Variants in SLC34A3 observed in about 807,000 individuals in gnomAD.
SLC34A3 encodes solute carrier family 34 member 3.
SLC34A3 carries 60 observed loss-of-function variants against 43.9 expected under a neutral mutation model. The ratio of observed to expected loss-of-function variants is 1.37; its 90% CI spans 1.11 to 1.70. The LOEUF (loss-of-function observed/expected upper bound fraction) is 1.70. Among genes scored for constraint, SLC34A3 ranks in the 40% most tolerant of loss-of-function variants. The pLI is 0.00. For synonymous variants in SLC34A3, 451 were observed against 386.2 expected, an observed-to-expected ratio of 1.17 and a Z score of -1.97; for missense variants, 969 against 823.8, an observed-to-expected ratio of 1.18 and a Z score of -2.16.
Position 137,234,120 on chromosome 9 carries a change from T to C in SLC34A3, c.937T>C (p.Phe313Leu), listed in dbSNP as rs1421579010. 4 of 1,567,166 alleles carry C rather than the reference T, an allele frequency of 2.6e-6. No individual in the cohort carries two copies. The highest frequency in any genetic ancestry group is 3.5e-5 in the Admixed American group (2 of 57,880). Reference protein sequence around the residue: ...PADRLPCRHLFAGTELTDLAV... With the variant: ...PADRLPCRHLLAGTELTDLAV... ...TGCCCTGCCCCCAGGCCGCCACCTG[T>C]TTGCGGGCACGGAGCTCACGGACCT... The change falls in exon 10 of 13, where the codon TTT becomes CTT. Residue 313 changes from phenylalanine (F) to leucine (L), a missense_variant. Transcript: ENST00000673835. The surrounding 1 kb of genome is among the most constrained non-coding windows in gnomAD (Gnocchi z 6.9).
Position 137,236,114 on chromosome 9 carries a change from C to T in SLC34A3, c.1498C>T (p.Pro500Ser), listed in dbSNP as rs1404221017. 6.2e-6 allele frequency: 10 copies of T among 1,611,646 alleles called. No individual in the cohort carries two copies. Among genetic ancestry groups the T allele is most frequent in the Non-Finnish European group, 6.8e-6 (8 of 1,179,712 alleles). Residue 500 changes from proline to serine, a missense_variant, in exon 13 of 13, where the codon CCC (proline) becomes TCC (serine). By Grantham distance (74) the Pro-to-Ser change is moderately conservative (BLOSUM62 -1). Transcript: ENST00000673835. The stretch of plus-strand genomic sequence containing the variant: ...CCTGCTGCTCGGATTCCTGCTGCTG[C>T]CCCTGGCGGCCTTCGGGCTCTCCCT... ...VYLLLGFLLLPLAAFGLSLAG... is the reference protein window; with the variant it reads ...VYLLLGFLLLSLAAFGLSLAG...
Position 137,234,443 on chromosome 9 carries a change from G to C in SLC34A3, c.1121G>C (p.Gly374Ala). 1 of 1,598,630 alleles carries C rather than the reference G, an allele frequency of 6.3e-7. No homozygotes were observed. The highest frequency in any genetic ancestry group is 8.5e-7 in the Non-Finnish European group (1 of 1,179,008). ...TTCCCCTTCCCGCTGGGCTGGCTCG[G>C]CGGCTACCTGGCCGTCCTCGCGGGC... ...ADFPFPLGWLGGYLAVLAGAG... is the reference protein window; with the variant it reads ...ADFPFPLGWLAGYLAVLAGAG... Residue 374 changes from glycine (G) to alanine (A), a missense_variant, in exon 11 of 13, where the codon GGC (glycine) becomes GCC (alanine). Coordinates refer to ENST00000673835, the MANE Select transcript of SLC34A3 (RefSeq NM_001177316.2). The surrounding 1 kb of genome is among the most constrained non-coding windows in gnomAD (Gnocchi z 6.9).
At chr9:137,235,771 G>A (rs1291183777) in intron 12 of SLC34A3, among the ~76,000 whole-genome samples, 181 bp from the exon 13 acceptor site, 3 of 152,204 alleles carry the variant, frequency 2.0e-5, no homozygotes, top group Non-Finnish European at 4.4e-5. Flanking sequence ...TGCGGGAGGC[G>A]TGCTGGGGAA....
chr9:137,233,852 G>C lies in SLC34A3; in HGVS notation c.847-11G>C. The C allele has an allele frequency of 1.3e-6, 2 of 1,488,920 alleles. No individual in the cohort carries two copies. The highest frequency in any genetic ancestry group is 1.8e-6 in the Non-Finnish European group (2 of 1,110,156). 92.2% of individuals were successfully genotyped at this position (1,488,920 alleles called of 1,614,324 possible). A position where few individuals can be genotyped will look rare whatever the true frequency, so the allele number is the denominator to read the frequency against. ...ACTGAGCCTGTCCTGAGTCCTCCCT[G>C]CCCTCCCCAGACCCAGGAGAACAGC... On this transcript the variant is annotated splice_polypyrimidine_tract_variant and intron_variant, in intron 8 of 12. Transcript: ENST00000673835.
At chr9:137,232,545 A>G (rs1836283013) in intron 3 of SLC34A3, 30 bp from the exon 4 acceptor site, 9 of 1,610,344 alleles carry the variant, frequency 5.6e-6, no homozygotes, top group Non-Finnish European at 7.6e-6. Flanking sequence ...GTGGAGGGCC[A>G]GCCAGGGACA....
intron 1 of SLC34A3, among the ~76,000 whole-genome samples, chr9:137,231,274 T>C (rs1232147944): frequency 6.6e-6 from 1 of 152,146 alleles, no homozygotes; most frequent in African/African-American, 2.4e-5. Context: ...GAGACGTCAC[T>C]GTTTAGTATC....
intron 2 of SLC34A3, 34 bp from the exon 3 acceptor site, chr9:137,232,038 C>G: frequency 1.2e-6 from 2 of 1,601,800 alleles, no homozygotes; most frequent in Non-Finnish European, 8.5e-7. Flanking sequence ...GGAGGTGGTC[C>G]TGGAAACAGC....
chr9:137,232,673 G>GTCCTCAGC lies in SLC34A3; in HGVS notation c.278_285dup (p.Ala96SerfsTer59). The GTCCTCAGC allele has an allele frequency of 6.2e-7, 1 of 1,612,836 alleles. No individual in the cohort carries two copies. Among genetic ancestry groups the GTCCTCAGC allele is most frequent in the Non-Finnish European group, 8.5e-7 (1 of 1,179,934 alleles). Reference sequence around the variant, plus strand: ...GTACTTCTTCATCTGCTCTCTGGACGTCCTCAGCTCCGCCTTCCAGCTGCT... The same window carrying GTCCTCAGC: ...GTACTTCTTCATCTGCTCTCTGGACGTCCTCAGCTCCTCAGCTCCGCCTTCCAGCTGCT... On this transcript the variant is annotated frameshift_variant, in exon 4 of 13. Coordinates refer to ENST00000673835, the MANE Select transcript of SLC34A3 (RefSeq NM_001177316.2). LOFTEE classifies it high-confidence loss of function.
Position 137,236,249 on chromosome 9 carries a change from C to G in SLC34A3, c.1633C>G (p.Arg545Gly). Reference sequence around the variant, plus strand: ...GCGCCGGCCGGCCTGGCTGCCTGTCCGCCTGCGCTCCTGGGCCTGGCTCCC... The same window carrying G: ...GCGCCGGCCGGCCTGGCTGCCTGTCGGCCTGCGCTCCTGGGCCTGGCTCCC... Reference protein sequence around the residue: ...QRRRPAWLPVRLRSWAWLPVW... With the variant: ...QRRRPAWLPVGLRSWAWLPVW... The change falls in exon 13 of 13, where the codon CGC becomes GGC. Residue 545 changes from arginine to glycine, a missense_variant. Arg to Gly is a moderately radical substitution (Grantham distance 125). Coordinates refer to ENST00000673835, the MANE Select transcript of SLC34A3 (RefSeq NM_001177316.2). 2 of 1,548,738 alleles carry G rather than the reference C, an allele frequency of 1.3e-6. No homozygotes were observed. Among genetic ancestry groups the G allele is most frequent in the Non-Finnish European group, 1.7e-6 (2 of 1,149,744 alleles).
intron 7 of SLC34A3, 106 bp from the exon 8 acceptor site, chr9:137,233,526 GA>G: frequency 1.3e-6 from 2 of 1,557,342 alleles, no homozygotes; most frequent in East Asian, 4.5e-5. Context: ...GACAGGGGAG[GA>G]GAGGGCAGCA....
chr9:137,233,228 G>A lies in SLC34A3; in HGVS notation c.580G>A (p.Val194Met). 6.3e-7 allele frequency: 1 copy of A among 1,575,088 alleles called. No individual in the cohort carries two copies. Among genetic ancestry groups the A allele is most frequent in the African/African-American group, 1.4e-5 (1 of 73,902 alleles). Residue 194 changes from valine (V) to methionine (M), a missense_variant, in exon 7 of 13, where the codon GTG becomes ATG. By Grantham distance (21) the Val-to-Met change is conservative (BLOSUM62 1). Transcript: ENST00000673835. The stretch of plus-strand genomic sequence containing the variant: ...CCACAGGGCTTTCAGCGGCTCGGCG[G>A]TGCACGGGATCTTCAACTGGCTCAC... ...EFQRAFSGSA[V>M]HGIFNWLTVL... is the part of the protein sequence containing the mutation.
Position 137,234,885 on chromosome 9 carries a change from C to T in SLC34A3, c.1335+154C>T, listed in dbSNP as rs1222877392. On this transcript the variant is annotated intron_variant, in intron 12 of 12. Transcript: ENST00000673835. This position sits in a 1 kb window ranked among gnomAD's most constrained non-coding sequence, Gnocchi z 6.9. ...GCCAGCCTCAGCCCTGCTGCTCTGC[C>T]TCCTTGGACCCCACAGGTCCTGCAC... is the stretch of plus-strand genomic sequence containing the variant. Among the ~76,000 whole-genome samples the T allele has an allele frequency of 1.3e-5, 2 of 152,132 alleles. No individual in the cohort carries two copies. Among genetic ancestry groups the T allele is most frequent in the African/African-American group, 4.8e-5 (2 of 41,422 alleles).
At chr9:137,230,569 A>G (rs1836157396), upstream of SLC34A3, among the ~76,000 whole-genome samples, 1 of 152,156 alleles carries the variant, frequency 6.6e-6, no homozygotes, top group African/African-American at 2.4e-5. Flanking sequence ...GCCATACTCT[A>G]GCATCCTGCC....
Position 137,236,265 on chromosome 9 carries a change from C to G in SLC34A3, c.1649C>G (p.Ala550Gly). The change falls in exon 13 of 13, where the codon GCC becomes GGC. Residue 550 changes from alanine (A) to glycine (G), a missense_variant. Physicochemically the swap from Ala to Gly is moderately conservative, Grantham distance 60 (BLOSUM62 0). Transcript: ENST00000673835. ...CTGCCTGTCCGCCTGCGCTCCTGGG[C>G]CTGGCTCCCCGTCTGGCTCCATTCT... is the stretch of plus-strand genomic sequence containing the variant. ...AWLPVRLRSW[A>G]WLPVWLHSLE... is the part of the protein sequence containing the mutation. The G allele has an allele frequency of 1.3e-6, 2 of 1,543,538 alleles. No individual in the cohort carries two copies. The highest frequency in any genetic ancestry group is 8.7e-7 in the Non-Finnish European group (1 of 1,147,242).
In SLC34A3 at chr9:137,234,019, C is replaced by G. The variant is rs529437617; in HGVS notation, c.925+78C>G. ...GGCCCCTACATGGAGAGGAACAGCA[C>G]AGCCCCGGCGGACAGGCTGCCCTGT... On this transcript the variant is annotated intron_variant, in intron 9 of 12. Transcript: ENST00000673835. The surrounding 1 kb of genome is among the most constrained non-coding windows in gnomAD (Gnocchi z 6.9). The G allele has an allele frequency of 2.0e-5, 30 of 1,518,152 alleles. No individual in the cohort carries two copies. In the South Asian group the frequency reaches 3.0e-4, roughly 15 times the overall value. 94.0% of individuals were successfully genotyped at this position (1,518,152 alleles called of 1,614,324 possible).
At position 137,233,884 on chromosome 9, in the gene SLC34A3, G is replaced by A. The variant is rs758514484; in HGVS notation, c.868G>A (p.Gly290Ser). The A allele has an allele frequency of 5.0e-6, 8 of 1,607,398 alleles. No individual in the cohort carries two copies. Among genetic ancestry groups the A allele is most frequent in the East Asian group, 4.5e-5 (2 of 44,670 alleles). ...CCAGACCCAGGAGAACAGCAGCTGT[G>A]GCGCCTTCGGCCCGTGCACAGAGAA... ...GQPTQENSSC[G>S]AFGPCTEKNS... The change falls in exon 9 of 13, where the codon GGC becomes AGC. Residue 290 changes from glycine (G) to serine (S), a missense_variant. Gly to Ser is a moderately conservative substitution (Grantham distance 56). Transcript: ENST00000673835.
intron 3 of SLC34A3, 72 bp from the exon 4 acceptor site, chr9:137,232,503 G>C: frequency 6.3e-7 from 1 of 1,595,048 alleles, no homozygotes; most frequent in Non-Finnish European, 8.5e-7. Flanking sequence ...AGGGGGCAGA[G>C]AATGAGGGGC....
intron 7 of SLC34A3, 48 bp from the exon 8 acceptor site, chr9:137,233,585 G>A (rs369092811): frequency 6.3e-7 from 1 of 1,593,494 alleles, no homozygotes; most frequent in African/African-American, 1.3e-5. Flanking sequence ...CCCCGGGTGA[G>A]TCCTGAGAGA....
Position 137,236,411 on chromosome 9 carries a change from T to C in SLC34A3, c.1795T>C (p.Leu599=), listed in dbSNP as rs74842953. The change falls in exon 13 of 13, where the codon TTG becomes CTG. Residue 599 remains leucine, a synonymous_variant. Transcript: ENST00000673835. ...ENPEILASQQ[L] is the part of the protein sequence containing the mutation. ...CCCTGAGATCTTGGCCTCCCAGCAG[T>C]TGTGACGGGCAGTTGCTGAGCAGAC... The C allele has an allele frequency of 7.6e-3, 11,716 of 1,536,768 alleles. 424 individuals carry two copies. The African/African-American group carries it at 0.1, about 13-fold the overall frequency.
Sources: gnomAD v4.1 joint callset for allele counts (sites outside exome capture counted in the v4.1 genomes callset) on GRCh38, gnomAD v4.1.1 for gene constraint, Gnocchi (gnomAD v3.1) non-coding constraint, MANE v1.5 for transcripts, NCBI Gene and HGNC (gene_info 2026-07-23, HGNC 2026-07-21) for gene names.